UMAD1: variants seen among roughly 807,000 people sequenced by gnomAD.
UMAD1 encodes the protein UBAP1-MVB12-associated (UMA)-domain containing protein 1.
A neutral mutation model predicts 6.1 loss-of-function variants in UMAD1; 8 were observed. The observed-to-expected ratio is 1.30, with a 90% confidence interval of 0.76 to 2.35. The LOEUF is 2.35. Ranked by LOEUF, UMAD1 falls within the 30% of genes most tolerant of loss-of-function variation. The pLI is 0.00. For synonymous variants in UMAD1, 56 were observed against 31.4 expected (o/e 1.78, Z -2.61); for missense variants, 130 against 78.4 (o/e 1.66, Z -2.49).
At chr7:7,804,920 G>A (rs1226367396) in intron 3 of UMAD1, among the ~76,000 whole-genome samples, 2 of 152,190 alleles carry the variant, frequency 1.3e-5, no homozygotes, top group African/African-American at 4.8e-5. Context: ...GGCGGGGGTT[G>A]CAGTGAGCCG....
intron 2 of UMAD1, among the ~76,000 whole-genome samples, chr7:7,725,757 T>C (rs1006722803): frequency 2.0e-5 from 3 of 152,198 alleles, no homozygotes; most frequent in Non-Finnish European, 4.4e-5. Flanking sequence ...CAAATGCCCA[T>C]GGTCTCCACT....
At chr7:7,652,617 G>T (rs145401505) in intron 1 of UMAD1, among the ~76,000 whole-genome samples, 1 of 152,224 alleles carries the variant, frequency 6.6e-6, no homozygotes, top group African/African-American at 2.4e-5. Context: ...AAAGAGGCAG[G>T]AAGTAGATTG....
intron 3 of UMAD1, among the ~76,000 whole-genome samples, chr7:7,850,101 G>T (rs1783882777): frequency 1.3e-5 from 2 of 152,116 alleles, no homozygotes; most frequent in African/African-American, 4.8e-5. Flanking sequence ...GCTAGTAATT[G>T]TGAAGATACA....
intron 2 of UMAD1, among the ~76,000 whole-genome samples, chr7:7,777,496 A>T (rs1184658274): frequency 8.5e-6 from 1 of 118,278 alleles, no homozygotes. Flanking sequence ...ACAGTGTGAG[A>T]CTCCATCTCA....
chr7:7,742,363 C>CCCCT, intron 2 of UMAD1: 1 of 598,184 alleles, frequency 1.7e-6, no homozygotes, highest in Non-Finnish European at 3.3e-6. Context: ...GGGCGCTCTT[C>CCCCT]CGAGGATATC....
intron 2 of UMAD1, among the ~76,000 whole-genome samples, chr7:7,799,253 GC>G (rs1192577055): frequency 6.6e-6 from 1 of 152,090 alleles, no homozygotes; most frequent in African/African-American, 2.4e-5. Flanking sequence ...TCATTTTTAT[GC>G]CTTTGTTTAC....
chr7:7,677,063 T>C (rs1259434174), intron 2 of UMAD1, among the ~76,000 whole-genome samples: 1 of 152,146 alleles, frequency 6.6e-6, no homozygotes, highest in African/African-American at 2.4e-5. Context: ...TTTATTAACA[T>C]GGACACATAC....
chr7:7,779,553 A>C (rs1188428473), intron 2 of UMAD1, among the ~76,000 whole-genome samples: 1 of 152,054 alleles, frequency 6.6e-6, no homozygotes, highest in African/African-American at 2.4e-5. Flanking sequence ...CCATCCTTCC[A>C]CTTTAAAGTA....
chr7:7,803,015 C>T (rs1782833373), intron 3 of UMAD1, among the ~76,000 whole-genome samples: 1 of 152,176 alleles, frequency 6.6e-6, no homozygotes, highest in African/African-American at 2.4e-5. Context: ...TCTCATGAAA[C>T]TGTGCATTCA....
At chr7:7,786,114 A>T (rs1338211373) in intron 2 of UMAD1, among the ~76,000 whole-genome samples, 1 of 152,202 alleles carries the variant, frequency 6.6e-6, no homozygotes, top group Non-Finnish European at 1.5e-5. Flanking sequence ...CATTTCATAA[A>T]AGCAAGGGCA....
intron 2 of UMAD1, among the ~76,000 whole-genome samples, chr7:7,781,044 A>G (rs1782334179): frequency 6.6e-6 from 1 of 152,182 alleles, no homozygotes; most frequent in Non-Finnish European, 1.5e-5. Context: ...TTTACCAGCT[A>G]AAAGCTTATA....
At chr7:7,657,190 T>C (rs1249822597) in intron 1 of UMAD1, among the ~76,000 whole-genome samples, 1 of 152,234 alleles carries the variant, frequency 6.6e-6, no homozygotes, top group African/African-American at 2.4e-5. Context: ...TTGTTTAAAT[T>C]CTTTCTAGAG....
intron 3 of UMAD1, among the ~76,000 whole-genome samples, chr7:7,843,282 A>T (rs1242748143): frequency 1.3e-5 from 2 of 152,174 alleles, no homozygotes. Flanking sequence ...TCTGAGATTC[A>T]CTGCGAAGTT....
intron 2 of UMAD1, among the ~76,000 whole-genome samples, chr7:7,713,062 C>T (rs867944316): frequency 8.6e-5 from 13 of 151,826 alleles, no homozygotes; most frequent in Non-Finnish European, 7.4e-5. Context: ...TCTAGGGCCG[C>T]GCGCGGTGGC....
chr7:7,719,500 G>T (rs1022697640), intron 2 of UMAD1, among the ~76,000 whole-genome samples: 20 of 152,190 alleles, frequency 1.3e-4, no homozygotes, highest in Non-Finnish European at 7.3e-5. Context: ...GCAGGTGATG[G>T]TGATGATGCA....
chr7:7,704,082 A>C (rs1291258533), intron 2 of UMAD1, among the ~76,000 whole-genome samples: 1 of 152,186 alleles, frequency 6.6e-6, no homozygotes, highest in Non-Finnish European at 1.5e-5. Flanking sequence ...TTTCCAACTA[A>C]GTATCTGTGT....
chr7:7,829,158 G>A (rs570256349), intron 3 of UMAD1, among the ~76,000 whole-genome samples: 47 of 152,274 alleles, frequency 3.1e-4, no homozygotes, highest in Non-Finnish European at 5.9e-4. Context: ...TGTATAGGGC[G>A]TCTAGCAATT....
chr7:7,704,655 C>A (rs530521725), intron 2 of UMAD1, among the ~76,000 whole-genome samples: 4 of 148,164 alleles, frequency 2.7e-5, no homozygotes, highest in African/African-American at 1.0e-4. Flanking sequence ...GTAGTCCCAG[C>A]CATTCAGAAA....
chr7:7,798,987 G>T (rs1231602432), intron 2 of UMAD1, among the ~76,000 whole-genome samples: 1 of 152,108 alleles, frequency 6.6e-6, no homozygotes, highest in Non-Finnish European at 1.5e-5. Flanking sequence ...AGTTGCAAAT[G>T]AAATTTTTTT....
Sources: gnomAD v4.1 joint callset for allele counts (sites outside exome capture counted in the v4.1 genomes callset) on GRCh38, gnomAD v4.1.1 for gene constraint, MANE v1.5 for transcripts, NCBI Gene and HGNC (gene_info 2026-07-23, HGNC 2026-07-21) for gene names.